The following DPP10 variants were observed in gnomAD, a reference collection of about 807,000 sequenced individuals.
DPP10 encodes the protein dipeptidyl peptidase like 10.
In DPP10, 33 loss-of-function variants were observed where a neutral mutation model predicts 120.9. That is an observed-to-expected ratio of 0.27 (90% CI 0.21 to 0.37). The LOEUF (loss-of-function observed/expected upper bound fraction) is 0.37. DPP10 is among the 10% of genes least tolerant of loss of function. The probability of loss-of-function intolerance (pLI) is 1.00; values close to 1 mark genes in which losing one functional copy is unlikely to be tolerated. For missense variants in DPP10, 816 were observed against 942.8 expected, an observed-to-expected ratio of 0.87 and a Z score of 1.76; for synonymous variants, 337 against 326.1, an observed-to-expected ratio of 1.03 and a Z score of -0.36.
At chr2:115,109,277 C>T (rs931082202) in intron 1 of DPP10, among the ~76,000 whole-genome samples, 6 of 152,118 alleles carry the variant, frequency 3.9e-5, no homozygotes, top group East Asian at 1.9e-4. Flanking sequence ...GTGGCTCACG[C>T]GTGTAATCCC....
intron 1 of DPP10, among the ~76,000 whole-genome samples, chr2:114,750,935 T>G (rs1265204881): frequency 6.6e-6 from 1 of 152,214 alleles, no homozygotes; most frequent in Non-Finnish European, 1.5e-5. Context: ...AAAACCTAAG[T>G]ATTTAATGTG....
intron 5 of DPP10, among the ~76,000 whole-genome samples, chr2:115,598,858 GA>G (rs1421339101): frequency 2.8e-5 from 4 of 145,240 alleles, no homozygotes; most frequent in African/African-American, 1.0e-4. Flanking sequence ...GTGTAGGTTT[GA>G]CAGAAATAAA....
intron 1 of DPP10, among the ~76,000 whole-genome samples, chr2:115,036,643 G>A (rs1185245280): frequency 2.0e-5 from 3 of 152,022 alleles, no homozygotes; most frequent in Non-Finnish European, 4.4e-5. Flanking sequence ...CTTTTTAAGT[G>A]CTCGCCAGTT....
intron 1 of DPP10, among the ~76,000 whole-genome samples, chr2:114,946,787 A>T (rs982410131): frequency 2.6e-5 from 4 of 152,018 alleles, no homozygotes; most frequent in African/African-American, 9.7e-5. Context: ...TTGTATCAGG[A>T]TTATTCTAGC....
chr2:114,458,221 G>T (rs528348687), intron 1 of DPP10, among the ~76,000 whole-genome samples: 28 of 152,198 alleles, frequency 1.8e-4, no homozygotes, highest in African/African-American at 6.3e-4. Context: ...ATAGTACCCC[G>T]TTCTTGAGAA....
intron 7 of DPP10, among the ~76,000 whole-genome samples, chr2:115,695,846 C>T (rs2149515630): frequency 6.6e-6 from 1 of 152,158 alleles, no homozygotes; most frequent in East Asian, 1.9e-4. Context: ...TAATGGAAGT[C>T]ATGGAAAATA....
At chr2:115,255,730 A>G (rs1419237286) in intron 1 of DPP10, among the ~76,000 whole-genome samples, 2 of 152,172 alleles carry the variant, frequency 1.3e-5, no homozygotes, top group Non-Finnish European at 2.9e-5. Flanking sequence ...AAGTATAACA[A>G]GTGTCACCTT....
At chr2:115,710,570 T>C (rs1215270033) in intron 7 of DPP10, among the ~76,000 whole-genome samples, 1 of 152,086 alleles carries the variant, frequency 6.6e-6, no homozygotes, top group African/African-American at 2.4e-5. Context: ...AATAATAGCA[T>C]CATGGATTCA....
At chr2:115,389,642 C>T (rs1485898807) in intron 3 of DPP10, among the ~76,000 whole-genome samples, 1 of 152,012 alleles carries the variant, frequency 6.6e-6, no homozygotes, top group East Asian at 1.9e-4. Context: ...GAGAAGAGTC[C>T]CGTTAGAGTA....
chr2:115,534,203 G>A (rs2078654166), intron 5 of DPP10, among the ~76,000 whole-genome samples: 1 of 151,766 alleles, frequency 6.6e-6, no homozygotes, highest in East Asian at 1.9e-4. Flanking sequence ...CTGGTGTGCT[G>A]CACCCACTAA....
intron 5 of DPP10, among the ~76,000 whole-genome samples, chr2:115,655,068 G>A (rs2088173474): frequency 6.6e-6 from 1 of 151,566 alleles, no homozygotes; most frequent in Non-Finnish European, 1.5e-5. Context: ...AAAAATTAAT[G>A]TTTCTTTGCA....
chr2:115,009,691 G>T (rs1308618042), intron 1 of DPP10, among the ~76,000 whole-genome samples: 1 of 151,886 alleles, frequency 6.6e-6, no homozygotes, highest in South Asian at 2.1e-4. Context: ...CGGGTTGATG[G>T]GTGCAGCAAA....
chr2:115,164,193 G>A (rs948293824), intron 1 of DPP10, among the ~76,000 whole-genome samples: 3 of 152,040 alleles, frequency 2.0e-5, no homozygotes, highest in Non-Finnish European at 4.4e-5. Context: ...CGCAGTGAGG[G>A]TGTTTCAAGC....
At position 115,803,065 on chromosome 2, in the gene DPP10, T is replaced by G. The variant is rs57503067; in HGVS notation, c.1700+11709T>G. ...GTCCCATTATTATTGTGTGGGATTC[T>G]AAGTCTCTTTGTAGGTCACTAAGGA... is the stretch of plus-strand genomic sequence containing the variant. On this transcript the variant is annotated intron_variant, in intron 19 of 25. Transcript: ENST00000410059. Among the ~76,000 whole-genome samples the G allele has an allele frequency of 7.1e-3, 1,078 of 152,322 alleles. 10 individuals are homozygous for G. The highest frequency in any genetic ancestry group is 0.025 in the African/African-American group (1,042 of 41,584).
intron 1 of DPP10, among the ~76,000 whole-genome samples, chr2:114,510,623 CA>C (rs1174395703): frequency 6.6e-6 from 1 of 151,900 alleles, no homozygotes; most frequent in Non-Finnish European, 1.5e-5. Context: ...AACAAAAAAA[CA>C]AAAAACAAAC....
rs188806548 is a variant in DPP10 at position 115,133,004 on chromosome 2, T to C, written c.61-176235T>C. On this transcript the variant is annotated intron_variant, in intron 1 of 25. Transcript: ENST00000410059. ...AAGGAGAGTGTTGGAAGCTATCTTA[T>C]AGTTTGGATTCATGGGCTGGGGTTT... 1.7e-4 allele frequency among the ~76,000 whole-genome samples: 25 copies of C among 151,508 alleles called. 2 individuals carry two copies. The East Asian group carries it at 4.7e-3, about 28-fold the overall frequency.
intron 1 of DPP10, among the ~76,000 whole-genome samples, chr2:115,156,351 G>A (rs906668355): frequency 5.3e-5 from 8 of 152,182 alleles, no homozygotes; most frequent in African/African-American, 1.9e-4. Context: ...ACTCTTTAAT[G>A]TCAGCGGATG....
At chr2:115,394,772 C>A (rs12621553) in intron 3 of DPP10, among the ~76,000 whole-genome samples, 1 of 151,782 alleles carries the variant, frequency 6.6e-6, no homozygotes, top group Admixed American at 6.6e-5. Flanking sequence ...CAGAGGGCCA[C>A]GTATTTCTCT....
At chr2:115,017,679 A>T (rs936135421) in intron 1 of DPP10, among the ~76,000 whole-genome samples, 2 of 152,148 alleles carry the variant, frequency 1.3e-5, no homozygotes, top group African/African-American at 4.8e-5. Context: ...AGCCATAAAA[A>T]AATGATGAGT....
Sources: gnomAD v4.1 joint callset for allele counts (sites outside exome capture counted in the v4.1 genomes callset) on GRCh38, gnomAD v4.1.1 for gene constraint, MANE v1.5 for transcripts, NCBI Gene and HGNC (gene_info 2026-07-23, HGNC 2026-07-21) for gene names.